Variants in PCSK2 observed in about 807,000 individuals in gnomAD.
The protein encoded by PCSK2 is neuroendocrine convertase 2.
In PCSK2, 14 loss-of-function variants were observed where a neutral mutation model predicts 69.7. That is an observed-to-expected ratio of 0.20 (90% CI 0.13 to 0.31). The LOEUF (loss-of-function observed/expected upper bound fraction) is 0.31. Among genes scored for constraint, PCSK2 ranks in the 10% least tolerant of loss-of-function variants. PCSK2 has a pLI of 1.00. For missense variants in PCSK2, 544 were observed against 842.5 expected (o/e 0.65, Z 4.39); for synonymous variants, 307 against 320.7 (o/e 0.96, Z 0.46).
At chr20:17,475,339 G>C (rs1269707824) in intron 11 of PCSK2, among the ~76,000 whole-genome samples, 2 of 151,820 alleles carry the variant, frequency 1.3e-5, no homozygotes, top group Non-Finnish European at 2.9e-5. Flanking sequence ...GCCCAGGGAA[G>C]GGGATCTGAA....
intron 7 of PCSK2, among the ~76,000 whole-genome samples, chr20:17,431,642 G>C (rs2032369192): frequency 6.6e-6 from 1 of 152,170 alleles, no homozygotes; most frequent in Non-Finnish European, 1.5e-5. Flanking sequence ...CACGTACGCT[G>C]GTTCTAACTA....
chr20:17,263,071 T>A (rs962991871), intron 2 of PCSK2: 1 of 858,770 alleles, frequency 1.2e-6, no homozygotes, highest in African/African-American at 1.8e-5. Context: ...CAGGGCTTCA[T>A]CTACTGAGGT....
At chr20:17,336,303 C>T (rs1990348234) in intron 2 of PCSK2, among the ~76,000 whole-genome samples, 1 of 152,080 alleles carries the variant, frequency 6.6e-6, no homozygotes, top group Admixed American at 6.6e-5. Flanking sequence ...TTCTTTAAGC[C>T]ACAGCTTTAT....
chr20:17,459,495 A>G (rs2032978047), intron 10 of PCSK2, among the ~76,000 whole-genome samples: 1 of 152,204 alleles, frequency 6.6e-6, no homozygotes, highest in Non-Finnish European at 1.5e-5. Flanking sequence ...GATATCGTCA[A>G]ATAGTTTCCT....
At chr20:17,412,886 TAA>T (rs558009555) in intron 6 of PCSK2, among the ~76,000 whole-genome samples, 46 of 152,252 alleles carry the variant, frequency 3.0e-4, no homozygotes, top group African/African-American at 1.1e-3. Context: ...TCAACATTCT[TAA>T]AGAAAAGAAT....
chr20:17,478,966 T>C lies in PCSK2; in HGVS notation c.1431-2618T>C, dbSNP rs2033341235. On this transcript the variant is annotated intron_variant, in intron 11 of 11. Coordinates refer to ENST00000262545, the MANE Select transcript of PCSK2 (RefSeq NM_002594.5). ...GCTTGCTTACAATATTCAGTTTTTG[T>C]TGATAGCTTTAAAGTATATTGCACA... 8 of 637,194 alleles carry C rather than the reference T, an allele frequency of 1.3e-5. No individual in the cohort carries two copies. In the East Asian group the frequency reaches 2.3e-4, roughly 18 times the overall value. The allele number at this position is 637,194 out of a possible 1,614,324, so 39.5% of individuals were successfully genotyped here.
At chr20:17,278,734 AATAG>A (rs1988190776) in intron 2 of PCSK2, among the ~76,000 whole-genome samples, 1 of 152,088 alleles carries the variant, frequency 6.6e-6, no homozygotes, top group East Asian at 1.9e-4. Flanking sequence ...GATATAAATA[AATAG>A]ATAAATAATA....
At chr20:17,339,123 C>G (rs1326369683) in intron 2 of PCSK2, among the ~76,000 whole-genome samples, 2 of 152,140 alleles carry the variant, frequency 1.3e-5, no homozygotes, top group Non-Finnish European at 2.9e-5. Flanking sequence ...TTTTCAGACC[C>G]CATACAACAG....
intron 2 of PCSK2, among the ~76,000 whole-genome samples, chr20:17,299,722 A>C (rs1989013961): frequency 6.6e-6 from 1 of 151,968 alleles, no homozygotes; most frequent in East Asian, 1.9e-4. Context: ...TCGCTAATCC[A>C]ATTTTTCACA....
intron 5 of PCSK2, among the ~76,000 whole-genome samples, chr20:17,373,528 C>G (rs1188396922): frequency 6.6e-6 from 1 of 152,102 alleles, no homozygotes; most frequent in African/African-American, 2.4e-5. Flanking sequence ...AACGTCTGCC[C>G]CAGAGATGCC....
At chr20:17,460,667 G>A (rs1037573095) in intron 10 of PCSK2, among the ~76,000 whole-genome samples, 1 of 152,024 alleles carries the variant, frequency 6.6e-6, no homozygotes, top group Non-Finnish European at 1.5e-5. Flanking sequence ...GTTTTTTTAG[G>A]GAAGTTAATA....
chr20:17,265,211 G>A (rs1987549268), intron 2 of PCSK2, among the ~76,000 whole-genome samples: 2 of 152,144 alleles, frequency 1.3e-5, no homozygotes, highest in South Asian at 4.1e-4. Flanking sequence ...CCTTCCTCCA[G>A]TGGATAACTA....
intron 1 of PCSK2, among the ~76,000 whole-genome samples, chr20:17,251,248 ACTT>A (rs1250537161): frequency 2.6e-5 from 4 of 152,252 alleles, no homozygotes; most frequent in African/African-American, 9.6e-5. Flanking sequence ...CTCTCCCCTC[ACTT>A]TTTTTATTTT....
intron 6 of PCSK2, among the ~76,000 whole-genome samples, chr20:17,417,610 C>A (rs183097517): frequency 1.9e-4 from 29 of 152,274 alleles, no homozygotes; most frequent in Admixed American, 9.2e-4. Flanking sequence ...AAGCTCAAGT[C>A]CACAGAACCA....
At chr20:17,253,245 A>G (rs1987058675) in intron 1 of PCSK2, among the ~76,000 whole-genome samples, 1 of 152,194 alleles carries the variant, frequency 6.6e-6, no homozygotes, top group Admixed American at 6.5e-5. Context: ...TCCTCTAAAA[A>G]TTTGCAATTC....
intron 1 of PCSK2, among the ~76,000 whole-genome samples, chr20:17,258,132 C>A (rs999205323): frequency 1.3e-5 from 2 of 152,168 alleles, no homozygotes; most frequent in African/African-American, 4.8e-5. Flanking sequence ...ACTCTAAACC[C>A]AGTCTGCACC....
At chr20:17,343,294 A>G (rs1990559260) in intron 2 of PCSK2, among the ~76,000 whole-genome samples, 1 of 152,206 alleles carries the variant, frequency 6.6e-6, no homozygotes, top group African/African-American at 2.4e-5. Flanking sequence ...CCCATCTTAA[A>G]TGTTTGTGGA....
intron 5 of PCSK2, among the ~76,000 whole-genome samples, chr20:17,392,324 G>A (rs1398121982): frequency 2.6e-5 from 4 of 152,052 alleles, no homozygotes; most frequent in East Asian, 1.9e-4. Flanking sequence ...CTTTTGAATA[G>A]GTCCCCTAAA....
At chr20:17,262,467 G>A (rs202049852) in intron 2 of PCSK2, among the ~76,000 whole-genome samples, 19 of 149,334 alleles carry the variant, frequency 1.3e-4, no homozygotes, top group South Asian at 6.4e-4. Flanking sequence ...TTTTCAAAAC[G>A]AAAAAAAAAA....
Sources: allele counts gnomAD v4.1 joint callset (sites outside exome capture counted in the v4.1 genomes callset), GRCh38; gene constraint gnomAD v4.1.1; transcripts MANE v1.5; gene names NCBI Gene and HGNC (gene_info 2026-07-23, HGNC 2026-07-21).